Variants in ZNF226 observed in about 807,000 individuals in gnomAD.
The protein encoded by ZNF226 is Kruppel-associated box protein.
In ZNF226, 6 loss-of-function variants were observed where a neutral mutation model predicts 11.4. The observed-to-expected ratio is 0.53, with a 90% CI of 0.29 to 1.04. The LOEUF is 1.04. Among genes scored for constraint, ZNF226 ranks in the 50% least tolerant of loss-of-function variants. The pLI, the probability that ZNF226 is intolerant of heterozygous loss-of-function variation, is 0.08. For missense variants in ZNF226, 1,058 were observed against 956.5 expected, an observed-to-expected ratio of 1.11 and a Z score of -1.40; for synonymous variants, 350 against 322.8, an observed-to-expected ratio of 1.08 and a Z score of -0.90.
chr19:44,173,065 T>A, intron 5 of ZNF226, 113 bp downstream of exon 5: 1 of 961,328 alleles, frequency 1.0e-6, no homozygotes, highest in East Asian at 2.6e-5. Flanking sequence ...CCTGGATTAT[T>A]GCAACACCCT....
chr19:44,174,962 T>C (rs747194863), intron 5 of ZNF226: 8 of 1,609,262 alleles, frequency 5.0e-6, no homozygotes, highest in South Asian at 3.3e-5. Context: ...AACTGTACTT[T>C]CTAGTTCTTT....
chr19:44,191,197 C>CT, the ZNF226 span, among the ~76,000 whole-genome samples: 1 of 152,100 alleles, frequency 6.6e-6, no homozygotes, highest in Non-Finnish European at 1.5e-5. Flanking sequence ...TTATTAGAGT[C>CT]TTTTCCATGA....
chr19:44,182,356 T>TACACACAC (rs34630350), downstream of ZNF226, among the ~76,000 whole-genome samples: 258 of 151,262 alleles, frequency 1.7e-3, no homozygotes, highest in African/African-American at 6.0e-3. Flanking sequence ...CGCGCGTGCA[T>TACACACAC]ACACACACAC....
chr19:44,165,975 G>C (rs531317139), intron 2 of ZNF226, among the ~76,000 whole-genome samples, 168 bp downstream of exon 2: 33 of 152,328 alleles, frequency 2.2e-4, no homozygotes, highest in African/African-American at 7.5e-4. Context: ...GCTCTGTGAA[G>C]TGATACTCTT....
intron 2 of ZNF226, among the ~76,000 whole-genome samples, chr19:44,168,916 A>T (rs1008355424): frequency 1.3e-5 from 2 of 148,828 alleles, no homozygotes; most frequent in Admixed American, 1.3e-4. Context: ...GTGTTCTACT[A>T]TAGGAGCTTT....
chr19:44,191,553 GTTCTC>G, the ZNF226 span, among the ~76,000 whole-genome samples: 1 of 151,980 alleles, frequency 6.6e-6, no homozygotes, highest in East Asian at 1.9e-4. Flanking sequence ...CTCCTTTAAG[GTTCTC>G]CAGGGGCCCA....
chr19:44,176,647 T>C lies in ZNF226; in HGVS notation c.1385T>C (p.Leu462Pro), dbSNP rs1373153488. 1 of 1,614,074 alleles carries C rather than the reference T, an allele frequency of 6.2e-7. No homozygotes were observed. The highest frequency in any genetic ancestry group is 8.5e-7 in the Non-Finnish European group (1 of 1,179,982). The change falls in exon 6 of 6, where the codon CTT becomes CCT. Residue 462 changes from leucine (L) to proline (P), a missense_variant. Physicochemically the swap from Leu to Pro is moderately conservative, Grantham distance 98. Coordinates refer to ENST00000337433, the MANE Select transcript of ZNF226 (RefSeq NM_001032373.2). The stretch of plus-strand genomic sequence containing the variant: ...AAAGGCTTTAGTCGGCCTTCAAGTC[T>C]TCAGGCCCATCAGGGAGTTCACACT... ...CGKGFSRPSS[L>P]QAHQGVHTGE...
chr19:44,199,034 C>T, the ZNF226 span, among the ~76,000 whole-genome samples: 1 of 151,874 alleles, frequency 6.6e-6, no homozygotes, highest in Non-Finnish European at 1.5e-5. Flanking sequence ...AACTCCTGAC[C>T]TCAGGTGATC....
downstream of ZNF226, chr19:44,178,165 A>G (rs1165342134): frequency 6.4e-6 from 1 of 155,584 alleles, no homozygotes; most frequent in Admixed American, 6.2e-5. Context: ...TGAACTCCCC[A>G]ATGTTAATTT....
At chr19:44,190,917 T>C in the ZNF226 span, among the ~76,000 whole-genome samples, 1 of 152,230 alleles carries the variant, frequency 6.6e-6, no homozygotes, top group Non-Finnish European at 1.5e-5. Flanking sequence ...CACAGAAGTA[T>C]ATTTTACCAA....
At chr19:44,180,102 A>C (rs1314447010), downstream of ZNF226, among the ~76,000 whole-genome samples, 8 of 139,388 alleles carry the variant, frequency 5.7e-5, no homozygotes, top group South Asian at 1.0e-3. Context: ...AAAAAAAAAA[A>C]AAAAAAAAAC....
In ZNF226 at chr19:44,177,669, A is replaced by G; in HGVS notation, c.2407A>G (p.Lys803Glu). The G allele has an allele frequency of 6.3e-7, 1 of 1,575,614 alleles. No homozygotes were observed. Among genetic ancestry groups the G allele is most frequent in the South Asian group, 1.2e-5 (1 of 84,482 alleles). Residue 803 changes from lysine to glutamate, a missense_variant, in exon 6 of 6, where the codon AAA (lysine) becomes GAA (glutamate). By Grantham distance (56) the Lys-to-Glu change is moderately conservative. Coordinates refer to ENST00000337433, the MANE Select transcript of ZNF226 (RefSeq NM_001032373.2). Reference sequence around the variant, plus strand: ...ATCCACACAGGAAAAAAAATCTATAAAATGATTCTTTGTGAAGACTCGTGT... The same window carrying G: ...ATCCACACAGGAAAAAAAATCTATAGAATGATTCTTTGTGAAGACTCGTGT... ...RESTQEKKSI[K>E]
At chr19:44,190,413 A>G in the ZNF226 span, among the ~76,000 whole-genome samples, 1 of 152,026 alleles carries the variant, frequency 6.6e-6, no homozygotes, top group African/African-American at 2.4e-5. Flanking sequence ...GGCTCACTGC[A>G]AGCTCCGCCT....
chr19:44,195,656 A>T, the ZNF226 span, among the ~76,000 whole-genome samples: 1 of 152,206 alleles, frequency 6.6e-6, no homozygotes, highest in Non-Finnish European at 1.5e-5. Flanking sequence ...AGCTGTCTTA[A>T]CCAAAGTATT....
At chr19:44,177,979 A>G (rs1449603999), downstream of ZNF226, 1 of 244,696 alleles carries the variant, frequency 4.1e-6, no homozygotes, top group East Asian at 8.3e-5. Flanking sequence ...CTGAATCTAC[A>G]TAATCTTACC....
chr19:44,182,725 C>G (rs1456742505), downstream of ZNF226, among the ~76,000 whole-genome samples: 2 of 152,018 alleles, frequency 1.3e-5, no homozygotes, highest in African/African-American at 4.8e-5. Context: ...ATGATGGGAT[C>G]CTGGAGCATT....
chr19:44,177,882 C>A (rs1970840165), downstream of ZNF226: 4 of 509,770 alleles, frequency 7.8e-6, no homozygotes, highest in Admixed American at 3.9e-5. Flanking sequence ...TTTTCTCAGG[C>A]CTTTTATAAA....
At chr19:44,186,877 T>TG in the ZNF226 span, among the ~76,000 whole-genome samples, 59 of 62,988 alleles carry the variant, frequency 9.4e-4, no homozygotes, top group African/African-American at 7.1e-3. Flanking sequence ...GTTAAGTGGT[T>TG]TTTTTTTTTT....
At chr19:44,182,588 AG>A (rs1970923375), downstream of ZNF226, among the ~76,000 whole-genome samples, 1 of 152,180 alleles carries the variant, frequency 6.6e-6, no homozygotes. Context: ...CAAGGACTTG[AG>A]AAGTTCATTG....
Sources: allele counts gnomAD v4.1 joint callset (sites outside exome capture counted in the v4.1 genomes callset), GRCh38; gene constraint gnomAD v4.1.1; transcripts MANE v1.5; gene names NCBI Gene and HGNC (gene_info 2026-07-23, HGNC 2026-07-21).